ZMPSTE24: variants seen among roughly 807,000 people sequenced by gnomAD.
The protein encoded by ZMPSTE24 is zinc metallopeptidase STE24, also known as CAAX prenyl protease 1 homolog.
Under a neutral mutation model 56.7 loss-of-function variants are expected in ZMPSTE24, and 48 were observed. The ratio of observed to expected loss-of-function variants is 0.85; its 90% CI spans 0.67 to 1.08. The LOEUF (loss-of-function observed/expected upper bound fraction) is 1.08. ZMPSTE24 is among the 50% of genes least tolerant of loss of function. The pLI is 0.00. For missense variants in ZMPSTE24, 503 were observed against 548.7 expected (o/e 0.92, Z 0.83); for synonymous variants, 172 against 195.2 (o/e 0.88, Z 0.99).
At chr1:40,262,654 T>C in intron 2 of ZMPSTE24, 1 of 211,324 alleles carries the variant, frequency 4.7e-6, no homozygotes, top group Non-Finnish European at 8.8e-6. Flanking sequence ...ATTAAACATA[T>C]CCAAGATCTT....
At chr1:40,267,330 TTGTTA>T (rs1267917913) in intron 2 of ZMPSTE24, among the ~76,000 whole-genome samples, 16 of 137,840 alleles carry the variant, frequency 1.2e-4, no homozygotes, top group Non-Finnish European at 2.2e-4. Context: ...ATATTTTATT[TTGTTA>T]TTTTATTTTA....
chr1:40,258,533 G>T, intron 1 of ZMPSTE24, 139 bp downstream of exon 1: 1 of 1,471,958 alleles, frequency 6.8e-7, no homozygotes, highest in Non-Finnish European at 9.3e-7. Context: ...CTCGTAACTT[G>T]GCCCGATGGC....
At chr1:40,278,557 CAAAAAAAAAA>C (rs397979953) in intron 6 of ZMPSTE24, among the ~76,000 whole-genome samples, 212 of 19,532 alleles carry the variant, frequency 0.011, 3 homozygotes, top group Middle Eastern at 0.071. Flanking sequence ...GACTCCGTCT[CAAAAAAAAAA>C]AAAAAAAAAA....
rs755269664 is a variant in ZMPSTE24, at chr1:40,268,511, A to G, written c.450A>G (p.Glu150=). Residue 150 remains glutamate, a synonymous_variant, in exon 4 of 10, where the codon GAA becomes GAG. Transcript: ENST00000372759. ...PWSLYNTFVI[E]EKHGFNQQTL... ...GTCTTTATAATACTTTTGTGATAGA[A>G]GAAAAACATGGCTTCAATCAACAGG... 17 of 1,609,594 alleles carry G rather than the reference A, an allele frequency of 1.1e-5. No homozygotes were observed. Among genetic ancestry groups the G allele is most frequent in the Non-Finnish European group, 1.4e-5 (17 of 1,177,818 alleles).
intron 6 of ZMPSTE24, among the ~76,000 whole-genome samples, chr1:40,277,218 T>C (rs1643679333): frequency 6.6e-6 from 1 of 151,904 alleles, no homozygotes; most frequent in South Asian, 2.1e-4. Flanking sequence ...CCTGAGTAGC[T>C]GGGACTACAG....
chr1:40,267,761 G>T (rs1475679272), intron 2 of ZMPSTE24, 25 bp from the exon 3 acceptor site: 1 of 1,531,274 alleles, frequency 6.5e-7, no homozygotes, highest in Admixed American at 1.7e-5. Flanking sequence ...GTTCAACTGT[G>T]ATCAAAGTAT....
chr1:40,280,091 C>G (rs1643712466), intron 6 of ZMPSTE24, among the ~76,000 whole-genome samples: 1 of 152,002 alleles, frequency 6.6e-6, no homozygotes, highest in Non-Finnish European at 1.5e-5. Context: ...CATGAAGCAC[C>G]CACTTATCAG....
chr1:40,260,350 C>T (rs572097476), intron 1 of ZMPSTE24, among the ~76,000 whole-genome samples: 72 of 152,220 alleles, frequency 4.7e-4, no homozygotes, highest in African/African-American at 1.5e-3. Flanking sequence ...CGTGACCCAC[C>T]GTGCCCGGCT....
rs1188551354 is a variant in ZMPSTE24, at chr1:40,273,533, A to ATATAT, written c.769+1498_769+1499insTATAT. Among the ~76,000 whole-genome samples the ATATAT allele has an allele frequency of 1.4e-4, 8 of 57,032 alleles. No homozygotes were observed. In the East Asian group the frequency reaches 2.4e-3, roughly 17 times the overall value. 37.4% of individuals were successfully genotyped at this position (57,032 alleles called of 152,430 possible). On this transcript the variant is annotated intron_variant, in intron 6 of 9. Transcript: ENST00000372759. The stretch of plus-strand genomic sequence containing the variant: ...ATTCTGTCTAAAAAAAAAAAAAAAA[A>ATATAT]AAAAATATATATATATATATATATA...
chr1:40,273,536 AAATATATAT>A (rs1374038717), intron 6 of ZMPSTE24, among the ~76,000 whole-genome samples: 110 of 74,284 alleles, frequency 1.5e-3, no homozygotes, highest in African/African-American at 7.1e-3. Flanking sequence ...AAAAAAAAAA[AAATATATAT>A]ATATATATAT....
At chr1:40,292,318 T>A in intron 9 of ZMPSTE24, 127 bp from the exon 10 acceptor site, 1 of 854,014 alleles carries the variant, frequency 1.2e-6, no homozygotes, top group Admixed American at 2.1e-5. Context: ...TAAATATTAG[T>A]GATCTTTCTT....
chr1:40,290,345 A>G (rs1643828040), intron 8 of ZMPSTE24, among the ~76,000 whole-genome samples: 1 of 149,924 alleles, frequency 6.7e-6, no homozygotes, highest in Non-Finnish European at 1.5e-5. Context: ...AGATCGTGCC[A>G]CTGAGCTCCA....
In ZMPSTE24 at chr1:40,287,081, T is replaced by TTTTA. The variant is rs1187551660; in HGVS notation, c.1059+1055_1059+1056insATTT. On this transcript the variant is annotated intron_variant, in intron 8 of 9. Coordinates refer to ENST00000372759, the MANE Select transcript of ZMPSTE24 (RefSeq NM_005857.5). The stretch of plus-strand genomic sequence containing the variant: ...TTTTTTCTTTTTCTTTTCTTTTTTT[T>TTTTA]TTTGAAATGGGGTCTCTCTCTGTCG... 2.6e-5 allele frequency among the ~76,000 whole-genome samples: 4 copies of TTTTA among 151,670 alleles called. No homozygotes were observed. The East Asian group carries it at 7.8e-4, about 30-fold the overall frequency.
intron 6 of ZMPSTE24, among the ~76,000 whole-genome samples, chr1:40,278,557 CAAAAA>C (rs397979953): frequency 8.7e-4 from 17 of 19,550 alleles, no homozygotes; most frequent in East Asian, 5.5e-3. Flanking sequence ...GACTCCGTCT[CAAAAA>C]AAAAAAAAAA....
chr1:40,285,007 A>G (rs531132867), intron 7 of ZMPSTE24, among the ~76,000 whole-genome samples: 7 of 149,156 alleles, frequency 4.7e-5, no homozygotes, highest in African/African-American at 1.7e-4. Context: ...CTCACTACAG[A>G]CTACGCCTCC....
At chr1:40,278,557 CAAAAAAAAA>C (rs397979953) in intron 6 of ZMPSTE24, among the ~76,000 whole-genome samples, 16 of 19,540 alleles carry the variant, frequency 8.2e-4, no homozygotes, top group East Asian at 2.2e-3. Flanking sequence ...GACTCCGTCT[CAAAAAAAAA>C]AAAAAAAAAA....
At chr1:40,259,012 G>A (rs541394902) in intron 1 of ZMPSTE24, among the ~76,000 whole-genome samples, 3 of 152,130 alleles carry the variant, frequency 2.0e-5, no homozygotes, top group Admixed American at 1.3e-4. Flanking sequence ...AGAAAAATTA[G>A]CCGGGTGTGG....
rs1416690680 is a variant in ZMPSTE24 at position 40,275,437 on chromosome 1, A to T, written c.769+3402A>T. ...TGACAAAGCAAGACTCTGTCTCAAAAAACAAACAAACAAACAAACAAAACC... is the reference window on the plus strand; with the variant it reads ...TGACAAAGCAAGACTCTGTCTCAAATAACAAACAAACAAACAAACAAAACC... On this transcript the variant is annotated intron_variant, in intron 6 of 9. Transcript: ENST00000372759. Among the ~76,000 whole-genome samples the T allele has an allele frequency of 2.0e-5, 3 of 151,058 alleles. No homozygotes were observed. In the East Asian group the frequency reaches 5.8e-4, roughly 29 times the overall value.
At chr1:40,258,477 T>G in intron 1 of ZMPSTE24, 83 bp downstream of exon 1, 3 of 1,604,054 alleles carry the variant, frequency 1.9e-6, no homozygotes, top group Non-Finnish European at 2.5e-6. Context: ...GACTCTTGAT[T>G]GCTTCGGTCC....
Sources: gnomAD v4.1 joint callset for allele counts (sites outside exome capture counted in the v4.1 genomes callset) on GRCh38, gnomAD v4.1.1 for gene constraint, MANE v1.5 for transcripts, NCBI Gene and HGNC (gene_info 2026-07-23, HGNC 2026-07-21) for gene names.